ANKRD42: variants seen among roughly 807,000 people sequenced by gnomAD.
ANKRD42 encodes ankyrin repeat domain 42, also known as ankyrin repeat domain-containing protein 42.
A neutral mutation model predicts 51.5 loss-of-function variants in ANKRD42; 43 were observed. That is an observed-to-expected ratio of 0.83 (90% CI 0.65 to 1.08). The LOEUF is 1.08. ANKRD42 is among the 50% of genes least tolerant of loss of function. ANKRD42 has a pLI of 0.00. For synonymous variants in ANKRD42, 203 were observed against 213.0 expected, an observed-to-expected ratio of 0.95 and a Z score of 0.41; for missense variants, 608 against 629.3, an observed-to-expected ratio of 0.97 and a Z score of 0.36.
intron 3 of ANKRD42, among the ~76,000 whole-genome samples, chr11:83,207,981 C>A (rs141534097): frequency 6.6e-6 from 1 of 152,146 alleles, no homozygotes; most frequent in African/African-American, 2.4e-5. Flanking sequence ...TTTTCCCCCC[C>A]TCCTCAACCC....
intron 5 of ANKRD42, among the ~76,000 whole-genome samples, chr11:83,216,223 G>A (rs1862524627): frequency 6.6e-6 from 1 of 152,152 alleles, no homozygotes; most frequent in Admixed American, 6.5e-5. Context: ...GAGTATTCTA[G>A]GGTTGTCCAT....
intron 4 of ANKRD42, 100 bp from the exon 5 acceptor site, chr11:83,211,195 A>G (rs1309956355): frequency 2.0e-5 from 29 of 1,481,786 alleles, no homozygotes; most frequent in Non-Finnish European, 1.9e-6. Flanking sequence ...TCTTGTATTA[A>G]GAACAGCCTC....
At chr11:83,215,613 T>C (rs1862502931) in intron 5 of ANKRD42, among the ~76,000 whole-genome samples, 1 of 152,200 alleles carries the variant, frequency 6.6e-6, no homozygotes, top group African/African-American at 2.4e-5. Flanking sequence ...AATATAGGTT[T>C]TTGCATTGTA....
chr11:83,209,595 T>C (rs1862226826), intron 3 of ANKRD42: 4 of 892,390 alleles, frequency 4.5e-6, no homozygotes, highest in Non-Finnish European at 7.6e-6. Flanking sequence ...GAACCTCACA[T>C]ATTGCTGTTC....
intron 5 of ANKRD42, chr11:83,213,375 G>A (rs1395859440): frequency 3.8e-6 from 6 of 1,575,154 alleles, no homozygotes; most frequent in East Asian, 4.6e-5. Flanking sequence ...CAACCCCAAC[G>A]CCAGGCTGCG....
intron 5 of ANKRD42, chr11:83,213,864 T>C (rs1042610584): frequency 6.5e-6 from 1 of 153,664 alleles, no homozygotes; most frequent in African/African-American, 2.4e-5. Context: ...TCTTTCATTC[T>C]TTGGTATTTT....
At chr11:83,255,235 T>C (rs1373364297) in intron 11 of ANKRD42, among the ~76,000 whole-genome samples, 2 of 152,228 alleles carry the variant, frequency 1.3e-5, no homozygotes, top group Non-Finnish European at 2.9e-5. Context: ...TGACCATCCA[T>C]TGTGTTTCTA....
chr11:83,235,587 C>T (rs1258272072), intron 7 of ANKRD42, among the ~76,000 whole-genome samples: 1 of 152,224 alleles, frequency 6.6e-6, no homozygotes, highest in Non-Finnish European at 1.5e-5. Context: ...CAGCCACTTG[C>T]TGTCGTCTGA....
Position 83,220,415 on chromosome 11 carries a change from G to A in ANKRD42, c.587-4440G>A, listed in dbSNP as rs185597177. On this transcript the variant is annotated intron_variant, in intron 5 of 10. Transcript: ENST00000533342. ...GGTCCGATTGTATTCACCACGTGAC[G>A]ATCTAGATGCCTTTCCTGGACACTC... 8.0e-3 allele frequency among the ~76,000 whole-genome samples: 1,211 copies of A among 152,242 alleles called. 11 individuals carry two copies. Among genetic ancestry groups the A allele is most frequent in the South Asian group, 9.5e-3 (46 of 4,824 alleles).
intron 6 of ANKRD42, among the ~76,000 whole-genome samples, chr11:83,225,909 T>G (rs1862867831): frequency 6.6e-6 from 1 of 152,028 alleles, no homozygotes; most frequent in Admixed American, 6.6e-5. Context: ...TTCATTCCAT[T>G]CTGTGGTTTT....
chr11:83,254,492 C>T (rs1863732434), intron 11 of ANKRD42, among the ~76,000 whole-genome samples: 2 of 142,206 alleles, frequency 1.4e-5, no homozygotes, highest in Admixed American at 7.3e-5. Flanking sequence ...AGTGCAGTGG[C>T]GCAGTCTTGG....
intron 2 of ANKRD42, among the ~76,000 whole-genome samples, chr11:83,203,545 C>T (rs776739884): frequency 1.3e-5 from 2 of 151,842 alleles, no homozygotes; most frequent in Admixed American, 6.6e-5. Flanking sequence ...AGGCATGTGC[C>T]ACCACACCCA....
intron 2 of ANKRD42, among the ~76,000 whole-genome samples, chr11:83,202,812 G>C: frequency 6.6e-6 from 1 of 152,110 alleles, no homozygotes; most frequent in Non-Finnish European, 1.5e-5. Context: ...TACCATTTGA[G>C]TCTCATTCAT....
rs112544540 is a variant in ANKRD42, at chr11:83,247,987, G to A, written c.1367G>A (p.Arg456His). The change falls in exon 11 of 11, where the codon CGT becomes CAT. Residue 456 changes from arginine (R) to histidine (H), a missense_variant. Coordinates refer to ENST00000533342, the MANE Select transcript of ANKRD42 (RefSeq NM_001300975.2). ...GGCCAGCTGGAGTATGAACGACTAC[G>A]TAGAGAAAAATTAGAATGTCAGCTT... Reference protein sequence around the residue: ...LQGQLEYERLRREKLECQLDE... With the variant: ...LQGQLEYERLHREKLECQLDE... 4.3e-5 allele frequency: 69 copies of A among 1,613,882 alleles called. No homozygotes were observed. In the East Asian group the frequency reaches 7.4e-4, roughly 17 times the overall value.
rs558595725 is a variant in ANKRD42 at position 83,240,925 on chromosome 11, G to C, written c.1186G>C (p.Asp396His). The change falls in exon 9 of 11, where the codon GAT becomes CAT. Residue 396 changes from aspartate to histidine, a missense_variant. Physicochemically the swap from Asp to His is moderately conservative, Grantham distance 81. Coordinates refer to ENST00000533342, the MANE Select transcript of ANKRD42 (RefSeq NM_001300975.2). ...ATGTCTGAGTGACTTGGATAAAACA[G>C]ATGCCAGAAGTAAGTATGCTGCCTC... ...DLCLSDLDKT[D>H]ARMRAYKKIV... 1 of 1,610,522 alleles carries C rather than the reference G, an allele frequency of 6.2e-7. No homozygotes were observed. The highest frequency in any genetic ancestry group is 1.1e-5 in the South Asian group (1 of 90,590).
chr11:83,255,754 A>G, intron 11 of ANKRD42: 1 of 924,364 alleles, frequency 1.1e-6, no homozygotes, highest in Non-Finnish European at 1.6e-6. Context: ...AGCATGGTTA[A>G]TTTTTTTTTC....
At chr11:83,226,652 A>G (rs1238156705) in intron 6 of ANKRD42, among the ~76,000 whole-genome samples, 4 of 152,192 alleles carry the variant, frequency 2.6e-5, no homozygotes, top group Non-Finnish European at 4.4e-5. Context: ...ACAGAATACA[A>G]TAAAGACCAG....
intron 2 of ANKRD42, among the ~76,000 whole-genome samples, chr11:83,203,916 T>G (rs1420471302): frequency 6.6e-6 from 1 of 152,158 alleles, no homozygotes; most frequent in South Asian, 2.1e-4. Flanking sequence ...CTCCAGAATT[T>G]CCATCTGGTT....
intron 1 of ANKRD42, among the ~76,000 whole-genome samples, chr11:83,198,143 CT>C (rs1590957842): frequency 6.6e-6 from 1 of 152,230 alleles, no homozygotes; most frequent in African/African-American, 2.4e-5. Flanking sequence ...GCTTCTACCA[CT>C]TTATGGCTCC....
Sources: allele counts gnomAD v4.1 joint callset (sites outside exome capture counted in the v4.1 genomes callset), GRCh38; gene constraint gnomAD v4.1.1; transcripts MANE v1.5; gene names NCBI Gene and HGNC (gene_info 2026-07-23, HGNC 2026-07-21).